The following PLCG2 variants were observed in gnomAD, a reference collection of about 807,000 sequenced individuals.
PLCG2 encodes 1-phosphatidylinositol 4,5-bisphosphate phosphodiesterase gamma-2.
Under a neutral mutation model 175.6 loss-of-function variants are expected in PLCG2, and 69 were observed. The observed-to-expected ratio is 0.39, with a 90% CI of 0.32 to 0.48. The LOEUF (loss-of-function observed/expected upper bound fraction) is 0.48, where lower values mean the gene tolerates loss of function less well. Ranked by LOEUF, PLCG2 falls within the 20% of genes least tolerant of loss-of-function variation. The probability of loss-of-function intolerance (pLI) is 0.91; values close to 1 mark genes in which losing one functional copy is unlikely to be tolerated. For missense variants in PLCG2, 1,798 were observed against 1,650.9 expected, an observed-to-expected ratio of 1.09 and a Z score of -1.54; for synonymous variants, 827 against 624.0, an observed-to-expected ratio of 1.33 and a Z score of -4.85.
At chr16:81,844,964 C>G (rs1298819508) in intron 2 of PLCG2, among the ~76,000 whole-genome samples, 3 of 152,088 alleles carry the variant, frequency 2.0e-5, no homozygotes, top group Non-Finnish European at 2.9e-5. Flanking sequence ...GGGTCTTGCT[C>G]TCTTGCCAGG....
intron 2 of PLCG2, among the ~76,000 whole-genome samples, chr16:81,844,532 G>A (rs1489868467): frequency 1.3e-5 from 2 of 151,918 alleles, no homozygotes; most frequent in East Asian, 3.9e-4. Context: ...ATGGTGGCCA[G>A]GCTGGTCTCA....
chr16:81,854,593 T>C lies in PLCG2; in HGVS notation c.337+6T>C, dbSNP rs1597356280. On this transcript the variant is annotated splice_donor_region_variant and intron_variant, in intron 3 of 32. Transcript: ENST00000564138. The stretch of plus-strand genomic sequence containing the variant: ...CAGCACGCTCAGCTTGGCAGGTAGG[T>C]GCATGTTTCTGTGCCTTTCTCCTTC... 1 of 1,612,454 alleles carries C rather than the reference T, an allele frequency of 6.2e-7. No individual in the cohort carries two copies. The highest frequency in any genetic ancestry group is 8.5e-7 in the Non-Finnish European group (1 of 1,178,634).
intron 23 of PLCG2, among the ~76,000 whole-genome samples, chr16:81,927,386 A>C (rs1026553762): frequency 6.6e-6 from 1 of 152,210 alleles, no homozygotes. Context: ...CCGTGTTTTA[A>C]TCAGGTTGTG....
chr16:81,757,959 C>T (rs1023602633), intron 2 of PLCG2, among the ~76,000 whole-genome samples: 3 of 152,056 alleles, frequency 2.0e-5, no homozygotes, highest in Non-Finnish European at 4.4e-5. Context: ...CATGTGCTGT[C>T]GTTATTGTTG....
chr16:81,928,532 G>A (rs771103630), intron 23 of PLCG2, 26 bp from the exon 24 acceptor site: 17 of 1,471,616 alleles, frequency 1.2e-5, no homozygotes, highest in South Asian at 4.5e-5. Flanking sequence ...TACAACTAAC[G>A]TGAGTTATGT....
At chr16:81,810,767 A>G (rs928476110) in intron 2 of PLCG2, among the ~76,000 whole-genome samples, 1 of 152,070 alleles carries the variant, frequency 6.6e-6, no homozygotes, top group African/African-American at 2.4e-5. Context: ...TCATTTGCTC[A>G]GGGCAAAGCA....
intron 2 of PLCG2, among the ~76,000 whole-genome samples, chr16:81,756,269 AT>A (rs1909925463): frequency 2.0e-5 from 3 of 152,222 alleles, no homozygotes; most frequent in Admixed American, 6.5e-5. Context: ...CGCCTTTCAG[AT>A]AGGGCTTCCT....
At chr16:81,846,686 A>G (rs1159880659) in intron 2 of PLCG2, among the ~76,000 whole-genome samples, 3 of 152,238 alleles carry the variant, frequency 2.0e-5, no homozygotes, top group African/African-American at 7.2e-5. Flanking sequence ...AATATTTTCA[A>G]GATATCAGTT....
intron 2 of PLCG2, among the ~76,000 whole-genome samples, chr16:81,824,562 C>G (rs1904962567): frequency 6.6e-6 from 1 of 152,224 alleles, no homozygotes; most frequent in South Asian, 2.1e-4. Flanking sequence ...TTGGATCTCC[C>G]TCAGGCCTTC....
At chr16:81,831,403 C>T (rs1202539551) in intron 2 of PLCG2, among the ~76,000 whole-genome samples, 2 of 152,198 alleles carry the variant, frequency 1.3e-5, no homozygotes, top group African/African-American at 4.8e-5. Context: ...AACATTTAAA[C>T]ACAGGCTGTG....
chr16:81,861,123 G>T (rs906093256), intron 5 of PLCG2, among the ~76,000 whole-genome samples: 1 of 152,094 alleles, frequency 6.6e-6, no homozygotes, highest in Non-Finnish European at 1.5e-5. Flanking sequence ...GGATTGCATT[G>T]AGCTCTTCAG....
At chr16:81,749,069 C>T (rs901923202) in intron 1 of PLCG2, among the ~76,000 whole-genome samples, 1 of 151,988 alleles carries the variant, frequency 6.6e-6, no homozygotes, top group African/African-American at 2.4e-5. Context: ...CTTTCCACTG[C>T]GACTTTCACA....
intron 19 of PLCG2, among the ~76,000 whole-genome samples, chr16:81,919,152 T>C (rs1021549399): frequency 2.6e-5 from 4 of 152,146 alleles, no homozygotes; most frequent in African/African-American, 9.7e-5. Flanking sequence ...TAAAAGCAGG[T>C]GGTGGGACAC....
intron 9 of PLCG2, among the ~76,000 whole-genome samples, chr16:81,884,837 A>G (rs956669342): frequency 1.4e-4 from 22 of 152,174 alleles, no homozygotes; most frequent in Non-Finnish European, 8.8e-5. Flanking sequence ...AGACGGTTTA[A>G]TGAACCACCA....
At chr16:81,902,491 T>C (rs1051225357) in intron 14 of PLCG2, among the ~76,000 whole-genome samples, 1 of 152,180 alleles carries the variant, frequency 6.6e-6, no homozygotes, top group African/African-American at 2.4e-5. Flanking sequence ...TTTTTAAATA[T>C]TTATTTATTT....
intron 2 of PLCG2, among the ~76,000 whole-genome samples, chr16:81,833,841 C>T (rs551692676): frequency 1.3e-5 from 2 of 152,272 alleles, no homozygotes; most frequent in East Asian, 1.9e-4. Context: ...AGCCACGGCG[C>T]CCGGCCTCCT....
At chr16:81,778,989 C>A (rs1011484361), upstream of PLCG2, among the ~76,000 whole-genome samples, 37 of 152,186 alleles carry the variant, frequency 2.4e-4, no homozygotes, top group African/African-American at 8.9e-4. Context: ...CGGCAAACAC[C>A]TGGACTGCGG....
At chr16:81,844,831 T>C (rs937282230) in intron 2 of PLCG2, among the ~76,000 whole-genome samples, 4 of 152,250 alleles carry the variant, frequency 2.6e-5, no homozygotes, top group African/African-American at 9.6e-5. Flanking sequence ...GATGCATACA[T>C]CTAGTCTCCT....
rs1170390704 is a variant in PLCG2 at position 81,819,513 on chromosome 16, C to G, written c.193+33331C>G. Among the ~76,000 whole-genome samples the G allele has an allele frequency of 3.3e-5, 5 of 152,294 alleles. No individual in the cohort carries two copies. The East Asian group carries it at 9.6e-4, about 29-fold the overall frequency. The stretch of plus-strand genomic sequence containing the variant: ...CTCGCCCACTGCTTTTCACCCTGCC[C>G]TGAGGTGTGAGATCTTCCCAGCCAC... On this transcript the variant is annotated intron_variant, in intron 2 of 32. Transcript: ENST00000564138.
Sources: allele counts gnomAD v4.1 joint callset (sites outside exome capture counted in the v4.1 genomes callset), GRCh38; gene constraint gnomAD v4.1.1; transcripts MANE v1.5; gene names NCBI Gene and HGNC (gene_info 2026-07-23, HGNC 2026-07-21).